The following FAM3C variants were observed in gnomAD, a reference collection of about 807,000 sequenced individuals.
FAM3C encodes FAM3 metabolism regulating signaling molecule C, also known as protein FAM3C.
Under a neutral mutation model 32.5 loss-of-function variants are expected in FAM3C, and 15 were observed. The observed-to-expected ratio is 0.46, with a 90% confidence interval of 0.31 to 0.71. The LOEUF is 0.71. Among genes scored for constraint, FAM3C ranks in the 30% least tolerant of loss-of-function variants. FAM3C has a pLI of 0.05. For missense variants in FAM3C, 175 were observed against 274.4 expected (o/e 0.64, Z 2.56); for synonymous variants, 75 against 86.1 (o/e 0.87, Z 0.72).
At chr7:121,362,869 A>G in intron 7 of FAM3C, 28 bp downstream of exon 7, 1 of 1,354,666 alleles carries the variant, frequency 7.4e-7, no homozygotes. Flanking sequence ...TGCCAGCAAA[A>G]GAACACAGTC....
chr7:121,387,518 G>T (rs992282789), intron 1 of FAM3C, among the ~76,000 whole-genome samples: 1 of 152,000 alleles, frequency 6.6e-6, no homozygotes, highest in Non-Finnish European at 1.5e-5. Flanking sequence ...GCTCTCCACA[G>T]AAAGAAGCAT....
At chr7:121,362,640 A>T (rs1793948381) in intron 7 of FAM3C, 4 of 417,412 alleles carry the variant, frequency 9.6e-6, no homozygotes, top group Non-Finnish European at 1.7e-5. Context: ...AAACAAGATG[A>T]CTTTTTTTAA....
At chr7:121,367,434 T>A (rs1052756105) in intron 5 of FAM3C, among the ~76,000 whole-genome samples, 2 of 152,214 alleles carry the variant, frequency 1.3e-5, no homozygotes, top group African/African-American at 4.8e-5. Flanking sequence ...TTTTAAATGG[T>A]TACATTTTAA....
chr7:121,355,485 G>A (rs950936415), intron 8 of FAM3C, among the ~76,000 whole-genome samples: 1 of 152,134 alleles, frequency 6.6e-6, no homozygotes, highest in Non-Finnish European at 1.5e-5. Flanking sequence ...GCATTAAAAA[G>A]CAATAAGGAA....
At chr7:121,361,038 T>A (rs1793910117) in intron 7 of FAM3C, among the ~76,000 whole-genome samples, 1 of 152,166 alleles carries the variant, frequency 6.6e-6, no homozygotes, top group South Asian at 2.1e-4. Flanking sequence ...AAGGAATATG[T>A]TAGGTGATCA....
At chr7:121,365,492 A>G (rs1794006570) in intron 5 of FAM3C, among the ~76,000 whole-genome samples, 1 of 152,126 alleles carries the variant, frequency 6.6e-6, no homozygotes, top group African/African-American at 2.4e-5. Flanking sequence ...TTGAGTCTGC[A>G]AACTTTTTGT....
chr7:121,348,940 T>C lies in FAM3C; in HGVS notation c.*1521A>G, dbSNP rs974934682. 4 of 152,404 alleles carry C rather than the reference T, an allele frequency of 2.6e-5. No individual in the cohort carries two copies. Among genetic ancestry groups the C allele is most frequent in the South Asian group, 2.1e-4 (1 of 4,824 alleles). 9.4% of individuals were successfully genotyped at this position (152,404 alleles called of 1,614,324 possible). A position where few individuals can be genotyped will look rare whatever the true frequency, so the allele number is the denominator to read the frequency against. On this transcript the variant is annotated 3_prime_UTR_variant, in exon 10 of 10. Coordinates refer to ENST00000359943, the MANE Select transcript of FAM3C (RefSeq NM_014888.3). The stretch of plus-strand genomic sequence containing the variant: ...AATCCCTGGAACTGTAAAATAACTA[T>C]TCTTTTAATTTACAGAATTGAGGGA...
In FAM3C at chr7:121,351,398, A is replaced by AT. The variant is rs201667344; in HGVS notation, c.468-130dup. 1.1e-3 allele frequency: 972 copies of AT among 847,914 alleles called. 13 individuals are homozygous for AT. The East Asian group carries it at 0.024, about 21-fold the overall frequency. 52.5% of individuals were successfully genotyped at this position (847,914 alleles called of 1,614,324 possible). ...AAATAACAGAACATTTTGGAAAATA[A>AT]TTTTTTTTCAGAGTTACATTTCTAC... On this transcript the variant is annotated intron_variant, in intron 8 of 9. Transcript: ENST00000359943.
At chr7:121,395,827 T>C (rs1392281902) in intron 1 of FAM3C, among the ~76,000 whole-genome samples, 6 of 151,868 alleles carry the variant, frequency 4.0e-5, no homozygotes, top group Admixed American at 6.5e-5. Context: ...ACAGCCAACC[T>C]GGGGAAGATG....
At chr7:121,378,135 G>A (rs889249943) in intron 3 of FAM3C, among the ~76,000 whole-genome samples, 1 of 152,026 alleles carries the variant, frequency 6.6e-6, no homozygotes, top group African/African-American at 2.4e-5. Context: ...ATCTACAATA[G>A]CACTATGTAT....
At chr7:121,374,775 T>C (rs1794209689) in intron 3 of FAM3C, among the ~76,000 whole-genome samples, 1 of 152,142 alleles carries the variant, frequency 6.6e-6, no homozygotes, top group Non-Finnish European at 1.5e-5. Context: ...ATCAAATAGC[T>C]AAAATGCACA....
chr7:121,388,835 C>T (rs1794518496), intron 1 of FAM3C, among the ~76,000 whole-genome samples: 1 of 152,052 alleles, frequency 6.6e-6, no homozygotes, highest in Non-Finnish European at 1.5e-5. Context: ...TTTTAAATTT[C>T]CCCTAGAATG....
intron 3 of FAM3C, among the ~76,000 whole-genome samples, chr7:121,373,760 C>T (rs1263828795): frequency 1.3e-5 from 2 of 151,862 alleles, no homozygotes; most frequent in African/African-American, 4.8e-5. Flanking sequence ...CAGTGGCTCA[C>T]GCCTGTAATC....
chr7:121,379,086 T>TAAAA, intron 2 of FAM3C, 72 bp from the exon 3 acceptor site: 1 of 839,598 alleles, frequency 1.2e-6, no homozygotes, highest in Non-Finnish European at 1.9e-6. Context: ...CTATGAAAAA[T>TAAAA]GTTTATAAAT....
At position 121,378,905 on chromosome 7, in the gene FAM3C, C is replaced by T; in HGVS notation, c.118+5G>A. On this transcript the variant is annotated splice_donor_5th_base_variant and intron_variant, in intron 3 of 9. Transcript: ENST00000359943. Reference sequence around the variant, plus strand: ...GATTTAAGAAAGGAAAAAAATAAAACTTACCAAATAGATTTCCTAAACTTG... The same window carrying T: ...GATTTAAGAAAGGAAAAAAATAAAATTTACCAAATAGATTTCCTAAACTTG... The T allele has an allele frequency of 7.0e-7, 1 of 1,429,662 alleles. No individual in the cohort carries two copies. Among genetic ancestry groups the T allele is most frequent in the Non-Finnish European group, 9.6e-7 (1 of 1,040,276 alleles). 88.6% of individuals were successfully genotyped at this position (1,429,662 alleles called of 1,614,324 possible). A position where few individuals can be genotyped will look rare whatever the true frequency, so the allele number is the denominator to read the frequency against.
At chr7:121,387,654 A>G (rs1794490695) in intron 1 of FAM3C, among the ~76,000 whole-genome samples, 1 of 152,130 alleles carries the variant, frequency 6.6e-6, no homozygotes, top group Admixed American at 6.5e-5. Context: ...TATGTTTCCA[A>G]ACCAATCCCA....
intron 6 of FAM3C, among the ~76,000 whole-genome samples, 173 bp downstream of exon 6, chr7:121,363,957 A>G (rs575976981): frequency 7.9e-5 from 12 of 152,256 alleles, no homozygotes; most frequent in African/African-American, 2.6e-4. Context: ...AACACGCTAT[A>G]AATTCTTAGA....
rs181337611 is a variant in FAM3C, at chr7:121,365,064, A to C, written c.273-876T>G. 3.3e-5 allele frequency among the ~76,000 whole-genome samples: 5 copies of C among 152,266 alleles called. No homozygotes were observed. In the East Asian group the frequency reaches 9.6e-4, roughly 29 times the overall value. On this transcript the variant is annotated intron_variant, in intron 5 of 9. Coordinates refer to ENST00000359943, the MANE Select transcript of FAM3C (RefSeq NM_014888.3). ...TGTCCTTATATAGACAGAATTATATATACACATAGGTACACAATTTATTAT... is the reference window on the plus strand; with the variant it reads ...TGTCCTTATATAGACAGAATTATATCTACACATAGGTACACAATTTATTAT...
rs1335101579 is a variant in FAM3C at position 121,391,826 on chromosome 7, G to A, written c.-42+4336C>T. Among the ~76,000 whole-genome samples, 3 of 152,178 alleles carry A rather than the reference G, an allele frequency of 2.0e-5. No individual in the cohort carries two copies. In the East Asian group the frequency reaches 5.8e-4, roughly 29 times the overall value. On this transcript the variant is annotated intron_variant, in intron 1 of 9. Transcript: ENST00000359943. ...TGGAAACCATGCCTGAAGAATCCCC[G>A]AGCAGACAAAACCAATTAGGCCTCA... is the stretch of plus-strand genomic sequence containing the variant.
Sources: gnomAD v4.1 joint callset for allele counts (sites outside exome capture counted in the v4.1 genomes callset) on GRCh38, gnomAD v4.1.1 for gene constraint, MANE v1.5 for transcripts, NCBI Gene and HGNC (gene_info 2026-07-23, HGNC 2026-07-21) for gene names.